ANKRD42: variants seen among roughly 807,000 people sequenced by gnomAD.
ANKRD42 encodes the protein ankyrin repeat domain-containing protein 42.
In ANKRD42, 43 loss-of-function variants were observed where a neutral mutation model predicts 51.5. The ratio of observed to expected loss-of-function variants is 0.83; its 90% CI spans 0.65 to 1.08. ANKRD42 has a LOEUF of 1.08. ANKRD42 is among the 50% of genes least tolerant of loss of function. The pLI is 0.00. For synonymous variants in ANKRD42, 203 were observed against 213.0 expected, an observed-to-expected ratio of 0.95 and a Z score of 0.41; for missense variants, 608 against 629.3, an observed-to-expected ratio of 0.97 and a Z score of 0.36.
intron 9 of ANKRD42, among the ~76,000 whole-genome samples, chr11:83,244,926 A>G (rs568402926): frequency 4.0e-5 from 6 of 150,684 alleles, no homozygotes; most frequent in African/African-American, 1.5e-4. Flanking sequence ...TTTTTTTGAG[A>G]CGGAGTCTTG....
chr11:83,224,475 A>C (rs2135526505), intron 5 of ANKRD42, among the ~76,000 whole-genome samples: 1 of 152,288 alleles, frequency 6.6e-6, no homozygotes, highest in African/African-American at 2.4e-5. Context: ...CTTTGAAGTG[A>C]CTAGAAGGCT....
chr11:83,218,193 C>T lies in ANKRD42; in HGVS notation c.587-6662C>T, dbSNP rs545993493. Among the ~76,000 whole-genome samples the T allele has an allele frequency of 3.9e-5, 6 of 152,196 alleles. No individual in the cohort carries two copies. The East Asian group carries it at 1.2e-3, about 29-fold the overall frequency. ...TACTGTGTAATTGTGGATAACATTG[C>T]GTAGTTCATAGGTTTTTCCTAGTCT... On this transcript the variant is annotated intron_variant, in intron 5 of 10. Transcript: ENST00000533342.
intron 9 of ANKRD42, among the ~76,000 whole-genome samples, chr11:83,244,179 C>T (rs1217656796): frequency 6.6e-6 from 1 of 151,928 alleles, no homozygotes; most frequent in Non-Finnish European, 1.5e-5. Context: ...TGGGGTTTCA[C>T]CATGTTGGCC....
rs930534698 is a variant in ANKRD42, at chr11:83,248,805, A to C, written c.*601A>C. 4.1e-6 allele frequency: 4 copies of C among 972,150 alleles called. No individual in the cohort carries two copies. Among genetic ancestry groups the C allele is most frequent in the Non-Finnish European group, 2.4e-6 (2 of 817,992 alleles). The allele number at this position is 972,150 out of a possible 1,614,324, so 60.2% of individuals were successfully genotyped here. A position where few individuals can be genotyped will look rare whatever the true frequency, so the allele number is the denominator to read the frequency against. On this transcript the variant is annotated 3_prime_UTR_variant, in exon 11 of 11. Transcript: ENST00000533342. The stretch of plus-strand genomic sequence containing the variant: ...TAAGTTCCACTCTCCAGAGGAAGCT[A>C]TTGTTAACAATTTAGTACATACCAT...
downstream of ANKRD42, among the ~76,000 whole-genome samples, chr11:83,263,868 A>G (rs578842): frequency 0.72 from 109,512 of 152,096 alleles, 40,206 homozygotes; most frequent in African/African-American, 0.85. Context: ...CTTGTGCCCC[A>G]TCCACGGTTC....
At chr11:83,209,540 G>A (rs571309791) in intron 3 of ANKRD42, 103 of 1,008,364 alleles carry the variant, frequency 1.0e-4, no homozygotes, top group Admixed American at 8.5e-4. Flanking sequence ...GAATCTTGGC[G>A]TTCAGCAGAG....
At chr11:83,224,623 A>T (rs117617322) in intron 5 of ANKRD42, among the ~76,000 whole-genome samples, 1 of 152,104 alleles carries the variant, frequency 6.6e-6, no homozygotes, top group Non-Finnish European at 1.5e-5. Flanking sequence ...GTTTCAATTT[A>T]AAAAATAAAT....
intron 11 of ANKRD42, among the ~76,000 whole-genome samples, chr11:83,255,102 G>C (rs1259669404): frequency 6.6e-6 from 1 of 152,154 alleles, no homozygotes; most frequent in East Asian, 1.9e-4. Context: ...TCCAGCCATG[G>C]GCTCTCCCCA....
intron 6 of ANKRD42, among the ~76,000 whole-genome samples, chr11:83,227,372 C>G (rs1052064617): frequency 6.6e-6 from 1 of 152,022 alleles, no homozygotes; most frequent in African/African-American, 2.4e-5. Flanking sequence ...CTCAGCCTCC[C>G]AAAGTGCTGG....
chr11:83,214,927 A>G (rs187058478), intron 5 of ANKRD42: 2 of 152,280 alleles, frequency 1.3e-5, no homozygotes, highest in Admixed American at 6.5e-5. Context: ...TCTACTCTCT[A>G]TCTTCATGAG....
chr11:83,221,704 C>A (rs1862722214), intron 5 of ANKRD42, among the ~76,000 whole-genome samples: 1 of 152,172 alleles, frequency 6.6e-6, no homozygotes, highest in African/African-American at 2.4e-5. Context: ...TGGGATATTT[C>A]AGCAGTATGG....
chr11:83,195,693 A>G (rs763023297), intron 1 of ANKRD42, among the ~76,000 whole-genome samples: 4 of 152,190 alleles, frequency 2.6e-5, no homozygotes, highest in Admixed American at 2.6e-4. Flanking sequence ...TGTTTCACCC[A>G]CTGTATCCAT....
chr11:83,212,090 T>A (rs7126333), intron 5 of ANKRD42, among the ~76,000 whole-genome samples: 3,210 of 152,174 alleles, frequency 0.021, 119 homozygotes, highest in African/African-American at 0.07. Context: ...TTAAATTTTT[T>A]ATTTTTTTTT....
At chr11:83,245,700 A>T (rs901848338) in intron 10 of ANKRD42, 76 bp downstream of exon 10, 3 of 1,423,174 alleles carry the variant, frequency 2.1e-6, no homozygotes, top group South Asian at 1.4e-5. Flanking sequence ...TTGATCAGCA[A>T]CTTTTACTTT....
intron 9 of ANKRD42, among the ~76,000 whole-genome samples, chr11:83,243,310 G>A (rs184715366): frequency 1.1e-3 from 165 of 152,264 alleles, no homozygotes; most frequent in African/African-American, 3.9e-3. Flanking sequence ...GGATTAAAAT[G>A]TGTAAGGTAC....
intron 11 of ANKRD42, among the ~76,000 whole-genome samples, chr11:83,254,051 T>G (rs1863719888): frequency 6.6e-6 from 1 of 152,206 alleles, no homozygotes; most frequent in Admixed American, 6.5e-5. Context: ...CTTGGCTCAC[T>G]GCAACCTCCA....
intron 5 of ANKRD42, among the ~76,000 whole-genome samples, chr11:83,220,771 A>G (rs1397777809): frequency 2.0e-5 from 3 of 151,722 alleles, no homozygotes; most frequent in East Asian, 3.9e-4. Context: ...GGGCACCTTT[A>G]TATGTTATTC....
intron 11 of ANKRD42, among the ~76,000 whole-genome samples, chr11:83,254,848 CT>C (rs978852275): frequency 1.3e-5 from 2 of 152,144 alleles, no homozygotes; most frequent in African/African-American, 4.8e-5. Context: ...AGCCGCTAAA[CT>C]TTTTTTCAAG....
At chr11:83,213,175 A>G (rs1157814747) in intron 5 of ANKRD42, 2 of 1,601,178 alleles carry the variant, frequency 1.2e-6, no homozygotes, top group Non-Finnish European at 1.7e-6. Context: ...GATGCCCAAC[A>G]TTGGTTGTGG....
Sources: gnomAD v4.1 joint callset for allele counts (sites outside exome capture counted in the v4.1 genomes callset) on GRCh38, gnomAD v4.1.1 for gene constraint, MANE v1.5 for transcripts, NCBI Gene and HGNC (gene_info 2026-07-23, HGNC 2026-07-21) for gene names.